TRDMT1: variants seen among roughly 807,000 people sequenced by gnomAD.
TRDMT1 encodes the protein tRNA aspartic acid methyltransferase 1, also known as tRNA (cytosine(38)-C(5))-methyltransferase.
Under a neutral mutation model 51.2 loss-of-function variants are expected in TRDMT1, and 49 were observed. The observed-to-expected ratio is 0.96, with a 90% CI of 0.76 to 1.21. The LOEUF (loss-of-function observed/expected upper bound fraction) is 1.21, where lower values mean the gene tolerates loss of function less well. Ranked by LOEUF, TRDMT1 falls within the 50% of genes most tolerant of loss-of-function variation. The pLI, the probability that TRDMT1 is intolerant of heterozygous loss-of-function variation, is 0.00. For missense variants in TRDMT1, 534 were observed against 462.3 expected (o/e 1.16, Z -1.42); for synonymous variants, 187 against 164.6 (o/e 1.14, Z -1.04).
chr10:17,137,652 C>T lies in TRDMT1; in HGVS notation c.*11388G>A, dbSNP rs1837455078. 6.6e-6 allele frequency: 1 copy of T among 152,126 alleles called. No individual in the cohort carries two copies. Among genetic ancestry groups the T allele is most frequent in the Admixed American group, 6.5e-5 (1 of 15,268 alleles). 9.4% of individuals were successfully genotyped at this position (152,126 alleles called of 1,614,324 possible). A position where few individuals can be genotyped will look rare whatever the true frequency, so the allele number is the denominator to read the frequency against. Reference sequence around the variant, plus strand: ...TTTGAGACCAGCCAAAATGGTGAAACCCTGTCTCTACTAAAAATACAAAAA... The same window carrying T: ...TTTGAGACCAGCCAAAATGGTGAAATCCTGTCTCTACTAAAAATACAAAAA... On this transcript the variant is annotated 3_prime_UTR_variant, in exon 11 of 11. Coordinates refer to ENST00000377799, the MANE Select transcript of TRDMT1 (RefSeq NM_004412.7).
chr10:17,201,292 G>A, intron 1 of TRDMT1: 2 of 437,570 alleles, frequency 4.6e-6, no homozygotes, highest in Non-Finnish European at 8.1e-6. Context: ...CTTTGAGGTT[G>A]ATTTACTGCC....
Position 17,146,383 on chromosome 10 carries a change from G to A in TRDMT1, c.*2657C>T, listed in dbSNP as rs1838110174. 2.0e-6 allele frequency: 2 copies of A among 985,328 alleles called. No homozygotes were observed. The highest frequency in any genetic ancestry group is 3.5e-5 in the African/African-American group (2 of 57,250). The allele number at this position is 985,328 out of a possible 1,614,324, so 61.0% of individuals were successfully genotyped here. A position where few individuals can be genotyped will look rare whatever the true frequency, so the allele number is the denominator to read the frequency against. On this transcript the variant is annotated 3_prime_UTR_variant, in exon 11 of 11. Coordinates refer to ENST00000377799, the MANE Select transcript of TRDMT1 (RefSeq NM_004412.7). The stretch of plus-strand genomic sequence containing the variant: ...GGCCAGGGTCCTCTGTGAAGGTGAT[G>A]CCATCATTCCTCTTTCTTGCCTGCC...
chr10:17,201,343 T>G, intron 1 of TRDMT1: 1 of 505,756 alleles, frequency 2.0e-6, no homozygotes, highest in Admixed American at 4.1e-5. Flanking sequence ...TGAGGCGCCA[T>G]GTGCGGCCCC....
Position 17,148,145 on chromosome 10 carries a change from C to A in TRDMT1, c.*895G>T. On this transcript the variant is annotated 3_prime_UTR_variant, in exon 11 of 11. Transcript: ENST00000377799. ...CAAGAGGTCTGCTGAGGAAGAGAGACAGAGAAAGTTAAAAGTCATAAAAGT... is the reference window on the plus strand; with the variant it reads ...CAAGAGGTCTGCTGAGGAAGAGAGAAAGAGAAAGTTAAAAGTCATAAAAGT... 1.0e-6 allele frequency: 1 copy of A among 985,216 alleles called. No individual in the cohort carries two copies. The highest frequency in any genetic ancestry group is 1.2e-6 in the Non-Finnish European group (1 of 829,916). 61.0% of individuals were successfully genotyped at this position (985,216 alleles called of 1,614,324 possible).
rs35860724 is a variant in TRDMT1 at position 17,192,457 on chromosome 10, C to T, written c.64+9114G>A. Among the ~76,000 whole-genome samples, 493 of 152,304 alleles carry T rather than the reference C, an allele frequency of 3.2e-3. 2 individuals are homozygous for T. Among genetic ancestry groups the T allele is most frequent in the Non-Finnish European group, 3.9e-3 (265 of 68,038 alleles). Reference sequence around the variant, plus strand: ...GAACATAGTTGGCTAATATGTATAGCCCTGGCGCATCTTTTCTTTCACAAC... The same window carrying T: ...GAACATAGTTGGCTAATATGTATAGTCCTGGCGCATCTTTTCTTTCACAAC... On this transcript the variant is annotated intron_variant, in intron 1 of 10. Coordinates refer to ENST00000377799, the MANE Select transcript of TRDMT1 (RefSeq NM_004412.7).
chr10:17,169,617 CT>C, intron 2 of TRDMT1: 1 of 930,410 alleles, frequency 1.1e-6, no homozygotes, highest in Non-Finnish European at 1.5e-6. Flanking sequence ...CAGTGCACAT[CT>C]TTAGCTAGAA....
rs1294282558 is a variant in TRDMT1 at position 17,139,727 on chromosome 10, C to A, written c.*9313G>T. Among the ~76,000 whole-genome samples, 1 of 152,068 alleles carries A rather than the reference C, an allele frequency of 6.6e-6. No homozygotes were observed. Among genetic ancestry groups the A allele is most frequent in the East Asian group, 1.9e-4 (1 of 5,174 alleles). ...AGGCTGATGCCTTACAAAGGGGCAT[C>A]ATTCCCAGGGGATTTGTTAATTGAA... On this transcript the variant is annotated 3_prime_UTR_variant, in exon 11 of 11. Transcript: ENST00000377799.
Position 17,141,226 on chromosome 10 carries a change from G to A in TRDMT1, c.*7814C>T, listed in dbSNP as rs1295359561. On this transcript the variant is annotated 3_prime_UTR_variant, in exon 11 of 11. Transcript: ENST00000377799. ...TCACCAGGCTGGAGTGCAGTGGCAC[G>A]ATCTCAGCTCACTGCAGTCTCCGCT... Among the ~76,000 whole-genome samples, 4 of 152,096 alleles carry A rather than the reference G, an allele frequency of 2.6e-5. No homozygotes were observed. Among genetic ancestry groups the A allele is most frequent in the Non-Finnish European group, 4.4e-5 (3 of 68,006 alleles).
chr10:17,164,839 T>A (rs1328116132), intron 3 of TRDMT1, among the ~76,000 whole-genome samples: 1 of 152,062 alleles, frequency 6.6e-6, no homozygotes, highest in African/African-American at 2.4e-5. Flanking sequence ...TTCAAGAAGA[T>A]CTACCAATCA....
Position 17,148,634 on chromosome 10 carries a change from A to G in TRDMT1, c.*406T>C. 4 of 968,000 alleles carry G rather than the reference A, an allele frequency of 4.1e-6. No homozygotes were observed. Among genetic ancestry groups the G allele is most frequent in the Non-Finnish European group, 4.9e-6 (4 of 814,020 alleles). 60.0% of individuals were successfully genotyped at this position (968,000 alleles called of 1,614,324 possible). On this transcript the variant is annotated 3_prime_UTR_variant, in exon 11 of 11. Transcript: ENST00000377799. The stretch of plus-strand genomic sequence containing the variant: ...AAAACATTCAATGGGCTAGAATTAG[A>G]ATCATTATTTTAAAATTAGAAATAA...
In TRDMT1 at chr10:17,168,704, T is replaced by C. The variant is rs999722054; in HGVS notation, c.251+137A>G. ...TGTTCCTCCTTGCCTTCCGCCATGA[T>C]TGTGAGGTTTCCCTAGCCACATGGA... On this transcript the variant is annotated intron_variant, in intron 3 of 10. Transcript: ENST00000377799. 63 of 608,274 alleles carry C rather than the reference T, an allele frequency of 1.0e-4. No homozygotes were observed. In the African/African-American group the frequency reaches 1.1e-3, roughly 11 times the overall value. The allele number at this position is 608,274 out of a possible 1,614,324, so 37.7% of individuals were successfully genotyped here.
rs1838126980 is a variant in TRDMT1 at position 17,146,544 on chromosome 10, T to C, written c.*2496A>G. 2.0e-6 allele frequency: 2 copies of C among 984,944 alleles called. No homozygotes were observed. Among genetic ancestry groups the C allele is most frequent in the Non-Finnish European group, 2.4e-6 (2 of 829,470 alleles). The allele number at this position is 984,944 out of a possible 1,614,324, so 61.0% of individuals were successfully genotyped here. ...GAATTAGTTTTGGATCCTGAAGACA[T>C]ACTAAAAATATGAAGCAGGGTAATA... On this transcript the variant is annotated 3_prime_UTR_variant, in exon 11 of 11. Coordinates refer to ENST00000377799, the MANE Select transcript of TRDMT1 (RefSeq NM_004412.7).
intron 1 of TRDMT1, among the ~76,000 whole-genome samples, chr10:17,185,772 T>C (rs1380597514): frequency 6.6e-6 from 1 of 152,034 alleles, no homozygotes; most frequent in Non-Finnish European, 1.5e-5. Flanking sequence ...TGGATGAAGC[T>C]GGAAACCATC....
At chr10:17,180,309 G>A (rs1363335552) in intron 1 of TRDMT1, among the ~76,000 whole-genome samples, 1 of 152,196 alleles carries the variant, frequency 6.6e-6, no homozygotes, top group Non-Finnish European at 1.5e-5. Flanking sequence ...GGGAGGCTGA[G>A]GCGGGTGGAT....
rs758336473 is a variant in TRDMT1, at chr10:17,140,037, CTTTTTT to C, written c.*8997_*9002del. Among the ~76,000 whole-genome samples the C allele has an allele frequency of 4.6e-5, 1 of 21,914 alleles. No homozygotes were observed. Among genetic ancestry groups the C allele is most frequent in the African/African-American group, 1.9e-4 (1 of 5,348 alleles). 14.4% of individuals were successfully genotyped at this position (21,914 alleles called of 152,430 possible). The stretch of plus-strand genomic sequence containing the variant: ...TATTCTTCCAGTAACATCTAGTGTG[CTTTTTT>C]TTTTTTTTTTTTTTTTTTTTGAGAC... On this transcript the variant is annotated 3_prime_UTR_variant, in exon 11 of 11. Transcript: ENST00000377799.
At chr10:17,174,696 T>A (rs1413689418) in intron 1 of TRDMT1, 36 bp from the exon 2 acceptor site, 2 of 1,452,640 alleles carry the variant, frequency 1.4e-6, no homozygotes, top group Non-Finnish European at 9.6e-7. Flanking sequence ...AAAAGAAAAG[T>A]CCTTAAGTTC....
At chr10:17,197,546 ATATACTTTT>A (rs2131633058) in intron 1 of TRDMT1, among the ~76,000 whole-genome samples, 1 of 152,334 alleles carries the variant, frequency 6.6e-6, no homozygotes, top group East Asian at 1.9e-4. Context: ...AAGAAATTAA[ATATACTTTT>A]TATAACTGAA....
At chr10:17,189,734 A>G (rs1198099526) in intron 1 of TRDMT1, among the ~76,000 whole-genome samples, 1 of 152,144 alleles carries the variant, frequency 6.6e-6, no homozygotes, top group African/African-American at 2.4e-5. Context: ...TCATATGCTA[A>G]CATATGATTT....
intron 7 of TRDMT1, among the ~76,000 whole-genome samples, chr10:17,158,510 A>T (rs1839870986): frequency 6.6e-6 from 1 of 152,158 alleles, no homozygotes; most frequent in South Asian, 2.1e-4. Flanking sequence ...CCAATCCCTT[A>T]TTAGTAGACA....
Sources: gnomAD v4.1 joint callset for allele counts (sites outside exome capture counted in the v4.1 genomes callset) on GRCh38, gnomAD v4.1.1 for gene constraint, MANE v1.5 for transcripts, NCBI Gene and HGNC (gene_info 2026-07-23, HGNC 2026-07-21) for gene names.